The following INO80 variants were observed in gnomAD, a reference collection of about 807,000 sequenced individuals.
The protein encoded by INO80 is chromatin-remodeling ATPase INO80.
A neutral mutation model predicts 203.4 loss-of-function variants in INO80; 20 were observed. The ratio of observed to expected loss-of-function variants is 0.10; its 90% confidence interval spans 0.07 to 0.14. INO80 has a LOEUF of 0.14. INO80 is among the 10% of genes least tolerant of loss of function. The pLI, the probability that INO80 is intolerant of heterozygous loss-of-function variation, is 1.00. For synonymous variants in INO80, 726 were observed against 685.2 expected, an observed-to-expected ratio of 1.06 and a Z score of -0.93; for missense variants, 1,419 against 1,914.4, an observed-to-expected ratio of 0.74 and a Z score of 4.83.
chr15:41,031,762 C>A (rs1018919621), intron 24 of INO80, among the ~76,000 whole-genome samples: 3 of 151,952 alleles, frequency 2.0e-5, no homozygotes, highest in African/African-American at 7.3e-5. Flanking sequence ...CCCGGAAGCA[C>A]TGGCAGATGT....
chr15:41,091,429 C>T (rs1425080831), intron 5 of INO80, among the ~76,000 whole-genome samples: 3 of 152,054 alleles, frequency 2.0e-5, no homozygotes, highest in Non-Finnish European at 4.4e-5. Context: ...CACGGGTAAA[C>T]ATGTGCCATG....
At chr15:41,100,260 C>T (rs890040616) in intron 1 of INO80, among the ~76,000 whole-genome samples, 1 of 151,950 alleles carries the variant, frequency 6.6e-6, no homozygotes, top group East Asian at 1.9e-4. Context: ...ATTTTTAGTA[C>T]AGACGGGGTT....
At chr15:41,109,312 G>C (rs549788153) in intron 1 of INO80, 3 of 151,694 alleles carry the variant, frequency 2.0e-5, no homozygotes, top group Non-Finnish European at 2.9e-5. Flanking sequence ...AAATTAGCCA[G>C]GCATGGTGGC....
chr15:41,109,600 C>T (rs1319618890), intron 1 of INO80, among the ~76,000 whole-genome samples: 1 of 151,728 alleles, frequency 6.6e-6, no homozygotes, highest in Non-Finnish European at 1.5e-5. Flanking sequence ...AGTTCGAGAT[C>T]AGCCTGGCTA....
chr15:41,055,878 T>C (rs556572600), intron 17 of INO80, among the ~76,000 whole-genome samples: 15 of 152,264 alleles, frequency 9.9e-5, no homozygotes, highest in South Asian at 4.1e-4. Flanking sequence ...GCAACCATGA[T>C]TGCATGGCCT....
chr15:41,110,365 G>C (rs1026349003), intron 1 of INO80, among the ~76,000 whole-genome samples: 1 of 151,660 alleles, frequency 6.6e-6, no homozygotes, highest in Admixed American at 6.6e-5. Context: ...GGATGGTCTC[G>C]ATCTCTTGAC....
chr15:41,112,803 A>C (rs895997086), intron 1 of INO80, among the ~76,000 whole-genome samples: 5 of 151,420 alleles, frequency 3.3e-5, no homozygotes, highest in East Asian at 1.9e-4. Flanking sequence ...AAAAAAAAAA[A>C]AAAAAAAAAA....
At chr15:41,048,974 G>A (rs940607835) in intron 21 of INO80, among the ~76,000 whole-genome samples, 1 of 152,204 alleles carries the variant, frequency 6.6e-6, no homozygotes. Context: ...CAAATGTAAA[G>A]TAAGCCACCA....
chr15:40,986,986 T>C (rs1426116757), intron 31 of INO80, 105 bp downstream of exon 31: 1 of 608,276 alleles, frequency 1.6e-6, no homozygotes, highest in African/African-American at 1.8e-5. Context: ...CAAAAATACT[T>C]TCCCTAAATA....
intron 29 of INO80, among the ~76,000 whole-genome samples, chr15:40,993,761 A>T (rs2043845222): frequency 1.0e-5 from 1 of 97,314 alleles, no homozygotes; most frequent in African/African-American, 4.0e-5. Flanking sequence ...TCTGTCTCAA[A>T]AAATAAATAA....
chr15:41,061,415 G>C (rs988264087), intron 14 of INO80, among the ~76,000 whole-genome samples: 1 of 141,804 alleles, frequency 7.1e-6, no homozygotes, highest in Non-Finnish European at 1.5e-5. Flanking sequence ...GACCACCCTG[G>C]CCAACATGGT....
intron 27 of INO80, 52 bp downstream of exon 27, chr15:41,016,036 C>G (rs911423922): frequency 2.0e-6 from 3 of 1,475,378 alleles, no homozygotes; most frequent in Non-Finnish European, 2.8e-6. Context: ...ACATCTGATT[C>G]CTACAAATTA....
chr15:41,001,424 T>G (rs1428730621), intron 28 of INO80, among the ~76,000 whole-genome samples: 1 of 152,186 alleles, frequency 6.6e-6, no homozygotes, highest in Admixed American at 6.5e-5. Context: ...AGTAAAGGCT[T>G]GTTGAATGAC....
In INO80 at chr15:40,982,970, T is replaced by C. The variant is rs150569334; in HGVS notation, c.4345A>G (p.Ser1449Gly). Residue 1449 changes from serine to glycine, a missense_variant, in exon 35 of 36, where the codon AGC becomes GGC. Physicochemically the swap from Ser to Gly is moderately conservative, Grantham distance 56 (BLOSUM62 0). Around this residue, in one of 9 missense-constraint regions of INO80, gnomAD observed 214 missense variants for 248.9 expected, o/e 0.86. Coordinates refer to ENST00000648947, the MANE Select transcript of INO80 (RefSeq NM_017553.3). ...STAKGAGKGR[S>G]RKSTAGSAAA... ...GCACTGCCTGCCGTGGACTTTCGGC[T>C]CCGGCCCTTCCCTGCTCCTTTGGCT... 1.2e-6 allele frequency: 2 copies of C among 1,614,080 alleles called. No individual in the cohort carries two copies. Among genetic ancestry groups the C allele is most frequent in the African/African-American group, 2.7e-5 (2 of 74,938 alleles).
chr15:41,037,295 G>A (rs912693766), intron 24 of INO80, among the ~76,000 whole-genome samples: 1 of 151,660 alleles, frequency 6.6e-6, no homozygotes, highest in African/African-American at 2.4e-5. Context: ...ACTACCTGAG[G>A]TCAGGAGTTC....
At chr15:41,008,829 T>C (rs2044090211) in intron 27 of INO80, among the ~76,000 whole-genome samples, 1 of 152,162 alleles carries the variant, frequency 6.6e-6, no homozygotes, top group Non-Finnish European at 1.5e-5. Flanking sequence ...AATCATAATC[T>C]GCATTTTATT....
intron 28 of INO80, among the ~76,000 whole-genome samples, chr15:41,001,333 C>T (rs997542128): frequency 2.6e-5 from 4 of 152,056 alleles, no homozygotes; most frequent in African/African-American, 9.7e-5. Flanking sequence ...GTGTAGGTCT[C>T]GCTCTCACTC....
chr15:40,991,061 T>C (rs1030993388), intron 29 of INO80, among the ~76,000 whole-genome samples: 1 of 152,152 alleles, frequency 6.6e-6, no homozygotes, highest in Non-Finnish European at 1.5e-5. Context: ...AATTGTTTCA[T>C]AAGTACTGTC....
At chr15:40,994,595 G>C (rs2043856090) in intron 29 of INO80, among the ~76,000 whole-genome samples, 1 of 152,034 alleles carries the variant, frequency 6.6e-6, no homozygotes, top group Non-Finnish European at 1.5e-5. Context: ...TCGAACTCCT[G>C]ACCTTGTGAT....
Sources: allele counts gnomAD v4.1 joint callset (sites outside exome capture counted in the v4.1 genomes callset), GRCh38; gene constraint gnomAD v4.1.1; regional missense constraint gnomAD v4.1.1; transcripts MANE v1.5; gene names NCBI Gene and HGNC (gene_info 2026-07-23, HGNC 2026-07-21).